The following MTRF1L variants were observed in gnomAD, a reference collection of about 807,000 sequenced individuals.
MTRF1L encodes peptide chain release factor 1-like, mitochondrial.
A neutral mutation model predicts 40.0 loss-of-function variants in MTRF1L; 29 were observed. That is an observed-to-expected ratio of 0.73 (90% CI 0.54 to 0.99). MTRF1L has a LOEUF of 0.99. Ranked by LOEUF, MTRF1L falls within the 50% of genes least tolerant of loss-of-function variation. MTRF1L has a pLI of 0.00. For synonymous variants in MTRF1L, 150 were observed against 175.8 expected, an observed-to-expected ratio of 0.85 and a Z score of 1.16; for missense variants, 412 against 464.5, an observed-to-expected ratio of 0.89 and a Z score of 1.04.
chr6:152,991,107 A>G (rs975877149), intron 6 of MTRF1L, 78 bp downstream of exon 6: 7 of 947,814 alleles, frequency 7.4e-6, no homozygotes, highest in Non-Finnish European at 1.1e-5. Flanking sequence ...ATATATAAAA[A>G]CCAAGTTATT....
In MTRF1L at chr6:153,002,660, G is replaced by C. The variant is rs1384830472; in HGVS notation, c.26C>G (p.Ala9Gly). Residue 9 changes from alanine (A) to glycine (G), a missense_variant, in exon 1 of 7, where the codon GCT (alanine) becomes GGT (glycine). Coordinates refer to ENST00000367233, the MANE Select transcript of MTRF1L (RefSeq NM_019041.7). ...CCGGCGGGGCCAGAGCCACCGGGCA[G>C]CGCCCCACAGAACCCGGGACCGCAT... is the stretch of plus-strand genomic sequence containing the variant. MRSRVLWG[A>G]ARWLWPRRAV... 3 of 1,502,558 alleles carry C rather than the reference G, an allele frequency of 2.0e-6. No individual in the cohort carries two copies. The highest frequency in any genetic ancestry group is 2.5e-5 in the Admixed American group (1 of 39,494). The allele number at this position is 1,502,558 out of a possible 1,614,324, so 93.1% of individuals were successfully genotyped here.
At position 152,994,553 on chromosome 6, in the gene MTRF1L, G is replaced by C. The variant is rs1422021174; in HGVS notation, c.647C>G (p.Thr216Ser). The part of the protein sequence containing the change: ...PKTEKQGRVH[T>S]STMTVAILPQ... Reference sequence around the variant, plus strand: ...TAATATTGCTACAGTCATGGTGCTAGTATGGACGCGGCCTTGCTTTTCTGT... The same window carrying C: ...TAATATTGCTACAGTCATGGTGCTACTATGGACGCGGCCTTGCTTTTCTGT... The change falls in exon 4 of 7, where the codon ACT becomes AGT. Residue 216 changes from threonine to serine, a missense_variant. Thr to Ser is a moderately conservative substitution (Grantham distance 58). Transcript: ENST00000367233. 8.1e-6 allele frequency: 13 copies of C among 1,612,258 alleles called. No individual in the cohort carries two copies. Among genetic ancestry groups the C allele is most frequent in the Non-Finnish European group, 1.0e-5 (12 of 1,179,914 alleles).
chr6:152,995,143 A>C lies in MTRF1L; in HGVS notation c.516T>G (p.Ser172Arg). 6.2e-7 allele frequency: 1 copy of C among 1,603,120 alleles called. No homozygotes were observed. Among genetic ancestry groups the C allele is most frequent in the Non-Finnish European group, 8.5e-7 (1 of 1,175,886 alleles). Residue 172 changes from serine to arginine, a missense_variant, in exon 3 of 7, where the codon AGT becomes AGG. Coordinates refer to ENST00000367233, the MANE Select transcript of MTRF1L (RefSeq NM_019041.7). ...WHFETLEYFP[S>R]ELGGLRHASA... The stretch of plus-strand genomic sequence containing the variant: ...AATGAATAGTTTACTGACCTAGTTC[A>C]CTTGGAAAATATTCCAGGGTTTCAA...
rs1311401805 is a variant in MTRF1L at position 152,998,540 on chromosome 6, AATACC to A, written c.339+5_339+9del. ...GCACAAATGCTTTATTCTTTGCAGA[AATACC>A]ATACCTGATGCTTCAGCTGAGTTAT... is the stretch of plus-strand genomic sequence containing the variant. On this transcript the variant is annotated splice_donor_5th_base_variant and intron_variant, in intron 2 of 6. Coordinates refer to ENST00000367233, the MANE Select transcript of MTRF1L (RefSeq NM_019041.7). 1 of 1,557,536 alleles carries A rather than the reference AATACC, an allele frequency of 6.4e-7. No individual in the cohort carries two copies. The highest frequency in any genetic ancestry group is 2.0e-5 in the Admixed American group (1 of 49,518).
At position 153,002,621 on chromosome 6, in the gene MTRF1L, G is replaced by C. The variant is rs1778974296; in HGVS notation, c.65C>G (p.Ala22Gly). 1.3e-5 allele frequency: 20 copies of C among 1,537,174 alleles called. No individual in the cohort carries two copies. The highest frequency in any genetic ancestry group is 1.7e-5 in the Non-Finnish European group (19 of 1,142,432). Residue 22 changes from alanine (A) to glycine (G), a missense_variant, in exon 1 of 7, where the codon GCC becomes GGC. Ala to Gly is a moderately conservative substitution (Grantham distance 60). Coordinates refer to ENST00000367233, the MANE Select transcript of MTRF1L (RefSeq NM_019041.7). The part of the protein sequence containing the change: ...WLWPRRAVGP[A>G]RRPLSSGSPP... The stretch of plus-strand genomic sequence containing the variant: ...GCTACCGGAGCTCAGGGGCCGGCGG[G>C]CTGGGCCAACGGCCCGGCGGGGCCA...
intron 3 of MTRF1L, 77 bp downstream of exon 3, chr6:152,995,059 G>A (rs1385797499): frequency 7.7e-7 from 1 of 1,301,696 alleles, no homozygotes; most frequent in Non-Finnish European, 1.0e-6. Flanking sequence ...TCACAGATAA[G>A]TTCTAAAGCC....
chr6:152,990,977 G>A (rs1054110501), intron 6 of MTRF1L, among the ~76,000 whole-genome samples: 6 of 152,024 alleles, frequency 3.9e-5, no homozygotes, highest in Admixed American at 6.6e-5. Flanking sequence ...TTTTAGTAAC[G>A]GATTAAAAGT....
chr6:152,989,816 G>C lies in MTRF1L; in HGVS notation c.*79C>G, dbSNP rs2129096441. ...TGTGTTAACTCAACGTTTTTCAAGA[G>C]AGTAAGGGTACTTTCACCCTATGTG... On this transcript the variant is annotated 3_prime_UTR_variant, in exon 7 of 7. Coordinates refer to ENST00000367233, the MANE Select transcript of MTRF1L (RefSeq NM_019041.7). The C allele has an allele frequency of 6.8e-7, 1 of 1,461,058 alleles. No homozygotes were observed. The highest frequency in any genetic ancestry group is 1.5e-5 in the African/African-American group (1 of 68,652). The allele number at this position is 1,461,058 out of a possible 1,614,324, so 90.5% of individuals were successfully genotyped here.
chr6:153,001,357 T>C (rs7767005), intron 1 of MTRF1L, among the ~76,000 whole-genome samples: 32,668 of 152,150 alleles, frequency 0.21, 3,631 homozygotes, highest in Admixed American at 0.3. Flanking sequence ...ACATTTTCCC[T>C]GAGTGTTCTC....
At chr6:152,990,135 G>C in intron 6 of MTRF1L, 40 bp from the exon 7 acceptor site, 2 of 1,594,676 alleles carry the variant, frequency 1.3e-6, no homozygotes, top group Non-Finnish European at 1.7e-6. Flanking sequence ...CTAGATTCAG[G>C]GCAATTTAAA....
intron 1 of MTRF1L, 146 bp downstream of exon 1, chr6:153,002,281 C>G: frequency 4.1e-6 from 5 of 1,224,544 alleles, no homozygotes; most frequent in Non-Finnish European, 5.8e-6. Flanking sequence ...GATCACAGCA[C>G]GTAATGATGT....
intron 2 of MTRF1L, 21 bp from the exon 3 acceptor site, chr6:152,995,340 C>A (rs1254064280): frequency 4.0e-6 from 6 of 1,511,142 alleles, no homozygotes; most frequent in Non-Finnish European, 5.4e-6. Flanking sequence ...AAAAATATCA[C>A]CCCTCCTATA....
rs1394276878 is a variant in MTRF1L, at chr6:153,002,540, C to G, written c.146G>C (p.Arg49Pro). The G allele has an allele frequency of 6.2e-7, 1 of 1,602,310 alleles. No homozygotes were observed. Among genetic ancestry groups the G allele is most frequent in the African/African-American group, 1.3e-5 (1 of 74,452 alleles). ...RGGPLRTFLERQAGSEAHLKV... is the reference protein window; with the variant it reads ...RGGPLRTFLEPQAGSEAHLKV... ...CAAATGGGCTTCAGACCCCGCCTGG[C>G]GCTCGAGGAAGGTCCGCAAGGGCCC... The change falls in exon 1 of 7, where the codon CGC becomes CCC. Residue 49 changes from arginine to proline, a missense_variant. Coordinates refer to ENST00000367233, the MANE Select transcript of MTRF1L (RefSeq NM_019041.7).
chr6:152,991,841 G>C (rs576430125), intron 5 of MTRF1L, among the ~76,000 whole-genome samples: 1 of 152,148 alleles, frequency 6.6e-6, no homozygotes. Flanking sequence ...GAGCCACCGC[G>C]CCCGGCCTAG....
chr6:153,002,520 G>A lies in MTRF1L; in HGVS notation c.166C>T (p.His56Tyr), dbSNP rs1476935965. The change falls in exon 1 of 7, where the codon CAT becomes TAT. Residue 56 changes from histidine to tyrosine, a missense_variant. Physicochemically the swap from His to Tyr is moderately conservative, Grantham distance 83 (BLOSUM62 2). Coordinates refer to ENST00000367233, the MANE Select transcript of MTRF1L (RefSeq NM_019041.7). Reference protein sequence around the residue: ...FLERQAGSEAHLKVRRPELLA... With the variant: ...FLERQAGSEAYLKVRRPELLA... ...AACTCGGGCCTCCTGACCTTCAAAT[G>A]GGCTTCAGACCCCGCCTGGCGCTCG... is the stretch of plus-strand genomic sequence containing the variant. The A allele has an allele frequency of 1.2e-6, 2 of 1,611,410 alleles. No individual in the cohort carries two copies. The highest frequency in any genetic ancestry group is 8.5e-7 in the Non-Finnish European group (1 of 1,179,284).
Position 152,998,635 on chromosome 6 carries a change from A to G in MTRF1L, c.260-6T>C, listed in dbSNP as rs780168533. The G allele has an allele frequency of 2.6e-5, 41 of 1,576,386 alleles. No homozygotes were observed. Among genetic ancestry groups the G allele is most frequent in the Admixed American group, 9.4e-5 (5 of 53,164 alleles). On this transcript the variant is annotated splice_polypyrimidine_tract_variant and splice_region_variant and intron_variant, in intron 1 of 6. Transcript: ENST00000367233. ...CCTTAAATCTTCATTCTCATCTAGG[A>G]AAAAAAGGGCAGAAGTTAAGGTTTT...
chr6:152,991,585 C>G (rs1006158267), intron 5 of MTRF1L, among the ~76,000 whole-genome samples: 1 of 152,162 alleles, frequency 6.6e-6, no homozygotes, highest in Admixed American at 6.5e-5. Context: ...CTCGCTCTGT[C>G]GCCCAGGCTG....
Position 152,992,006 on chromosome 6 carries a change from CACTTA to C in MTRF1L, c.806-690_806-686del, listed in dbSNP as rs149582361. 3.1e-3 allele frequency among the ~76,000 whole-genome samples: 465 copies of C among 149,502 alleles called. 4 individuals are homozygous for C. The highest frequency in any genetic ancestry group is 0.011 in the African/African-American group (440 of 41,486). On this transcript the variant is annotated intron_variant, in intron 5 of 6. Transcript: ENST00000367233. ...GAAAAATCCTATTACCAGAGAAAAT[CACTTA>C]ACTTTTTTAGGCTATCCATTTTTTC... is the stretch of plus-strand genomic sequence containing the variant.
chr6:152,999,310 G>A (rs2129101216), intron 1 of MTRF1L, among the ~76,000 whole-genome samples: 1 of 152,136 alleles, frequency 6.6e-6, no homozygotes, highest in South Asian at 2.1e-4. Flanking sequence ...GAAAATTTCT[G>A]GCTATTAACA....
Sources: gnomAD v4.1 joint callset for allele counts (sites outside exome capture counted in the v4.1 genomes callset) on GRCh38, gnomAD v4.1.1 for gene constraint, MANE v1.5 for transcripts, NCBI Gene and HGNC (gene_info 2026-07-23, HGNC 2026-07-21) for gene names.